The following CPSF4L variants were observed in gnomAD, a reference collection of about 807,000 sequenced individuals.
CPSF4L encodes cleavage and polyadenylation specific factor 4 like.
A neutral mutation model predicts 24.0 loss-of-function variants in CPSF4L; 18 were observed. That is an observed-to-expected ratio of 0.75 (90% CI 0.52 to 1.11). The LOEUF is 1.11. Among genes scored for constraint, CPSF4L ranks in the 50% least tolerant of loss-of-function variants. The pLI is 0.00. For missense variants in CPSF4L, 211 were observed against 221.8 expected, an observed-to-expected ratio of 0.95 and a Z score of 0.31; for synonymous variants, 72 against 77.2, an observed-to-expected ratio of 0.93 and a Z score of 0.35.
intron 3 of CPSF4L, among the ~76,000 whole-genome samples, chr17:73,255,697 C>A (rs1304930830): frequency 6.6e-6 from 1 of 152,160 alleles, no homozygotes; most frequent in Non-Finnish European, 1.5e-5. Flanking sequence ...GTATACAGCA[C>A]TGGGCAGAGT....
At chr17:73,250,944 A>G in intron 5 of CPSF4L, 1 of 1,476,486 alleles carries the variant, frequency 6.8e-7, no homozygotes, top group Non-Finnish European at 9.0e-7. Flanking sequence ...GCCAAGCACT[A>G]GCCCAGCCCT....
At chr17:73,247,500 A>G (rs2061968798), downstream of CPSF4L, 1 of 643,738 alleles carries the variant, frequency 1.6e-6, no homozygotes, top group Admixed American at 2.8e-5. Flanking sequence ...TATCACTGCT[A>G]TAAATAAAGT....
chr17:73,257,699 A>G lies in CPSF4L; in HGVS notation c.289T>C (p.Tyr97His). Reference sequence around the variant, plus strand: ...GCCTTACCAAACTTGGAGTAGAAGTAGCACTCAGGCATCCTGGTGAGGTCA... The same window carrying G: ...GCCTTACCAAACTTGGAGTAGAAGTGGCACTCAGGCATCCTGGTGAGGTCA... ...QYDLTRMPEC[Y>H]FYSKFGDCSN... is the part of the protein sequence containing the mutation. The change falls in exon 3 of 6, where the codon TAC becomes CAC. Residue 97 changes from tyrosine to histidine, a missense_variant. Coordinates refer to ENST00000344935, the MANE Select transcript of CPSF4L (RefSeq NM_001129885.1). 2 of 1,551,686 alleles carry G rather than the reference A, an allele frequency of 1.3e-6. No individual in the cohort carries two copies. The highest frequency in any genetic ancestry group is 1.7e-6 in the Non-Finnish European group (2 of 1,146,992).
rs1160461397 is a variant in CPSF4L, at chr17:73,252,721, G to A, written c.406C>T (p.Pro136Ser). 8 of 1,546,114 alleles carry A rather than the reference G, an allele frequency of 5.2e-6. No individual in the cohort carries two copies. The highest frequency in any genetic ancestry group is 7.0e-6 in the Non-Finnish European group (8 of 1,143,270). ...WYDQGFCKDG[P>S]LCKYRHVPRI... Reference sequence around the variant, plus strand: ...GGGACATGGCGGTATTTACACAGAGGACCTGCTGAGCAAAGAGAAAGTGAT... The same window carrying A: ...GGGACATGGCGGTATTTACACAGAGAACCTGCTGAGCAAAGAGAAAGTGAT... The change falls in exon 5 of 6, where the codon CCT becomes TCT. Residue 136 changes from proline (P) to serine (S), a missense_variant and splice_region_variant. Physicochemically the swap from Pro to Ser is moderately conservative, Grantham distance 74. Transcript: ENST00000344935.
At chr17:73,261,687 G>A in intron 1 of CPSF4L, 29 bp downstream of exon 1, 1 of 1,392,048 alleles carries the variant, frequency 7.2e-7, no homozygotes, top group Non-Finnish European at 1.0e-6. Context: ...AGAAGGTAGG[G>A]GAGGGAAAGT....
chr17:73,261,371 G>A (rs926281815), intron 1 of CPSF4L, among the ~76,000 whole-genome samples: 5 of 152,174 alleles, frequency 3.3e-5, no homozygotes, highest in Admixed American at 2.0e-4. Context: ...GAGAAGGAAG[G>A]GGGAGGGAGG....
intron 2 of CPSF4L, 134 bp downstream of exon 2, chr17:73,260,799 G>A (rs1299398036): frequency 1.3e-5 from 7 of 556,916 alleles, no homozygotes; most frequent in Admixed American, 3.2e-5. Flanking sequence ...ATAAAATTCC[G>A]TTCCATCCCA....
intron 3 of CPSF4L, among the ~76,000 whole-genome samples, chr17:73,255,714 T>A (rs1360318176): frequency 1.3e-5 from 2 of 152,152 alleles, no homozygotes; most frequent in Non-Finnish European, 2.9e-5. Context: ...GAGTGCTGAC[T>A]CTGGGCTTGA....
chr17:73,251,303 C>G (rs2062005126), intron 5 of CPSF4L, among the ~76,000 whole-genome samples: 1 of 152,136 alleles, frequency 6.6e-6, no homozygotes, highest in Non-Finnish European at 1.5e-5. Flanking sequence ...CTTGTAAATT[C>G]CCCGCAGTCC....
intron 3 of CPSF4L, among the ~76,000 whole-genome samples, chr17:73,255,497 ACT>A (rs1486983143): frequency 2.1e-5 from 3 of 142,098 alleles, no homozygotes; most frequent in African/African-American, 5.4e-5. Flanking sequence ...ACAGTGCGAG[ACT>A]CTGTCTCCAA....
chr17:73,248,560 C>G (rs935352136), intron 5 of CPSF4L, 24 bp from the exon 6 acceptor site: 2 of 1,551,050 alleles, frequency 1.3e-6, no homozygotes, highest in Admixed American at 2.0e-5. Flanking sequence ...ACAAATGCAG[C>G]GTGAGAATCC....
At chr17:73,260,009 G>C (rs906192462) in intron 2 of CPSF4L, among the ~76,000 whole-genome samples, 1 of 152,138 alleles carries the variant, frequency 6.6e-6, no homozygotes, top group Non-Finnish European at 1.5e-5. Flanking sequence ...TCTTATATTT[G>C]AATCAGGCCT....
chr17:73,257,578 T>C, intron 3 of CPSF4L, 103 bp downstream of exon 3: 1 of 1,225,192 alleles, frequency 8.2e-7, no homozygotes, highest in South Asian at 1.5e-5. Flanking sequence ...TCCAGGGACA[T>C]GTCCAGCCTC....
chr17:73,243,049 T>A, the CPSF4L span: 1 of 1,442,206 alleles, frequency 6.9e-7, no homozygotes, highest in Non-Finnish European at 9.6e-7. Flanking sequence ...TCCCATTCCG[T>A]TATGTGGACC....
At position 73,261,057 on chromosome 17, in the gene CPSF4L, T is replaced by C; in HGVS notation, c.104-74A>G. Reference sequence around the variant, plus strand: ...GCTGTTCCGGAAGCCTCCACCTCCATCGGCATGTCCCACCTAGACCTCCCC... The same window carrying C: ...GCTGTTCCGGAAGCCTCCACCTCCACCGGCATGTCCCACCTAGACCTCCCC... On this transcript the variant is annotated intron_variant, in intron 1 of 5. Transcript: ENST00000344935. The C allele has an allele frequency of 2.4e-6, 3 of 1,257,466 alleles. No individual in the cohort carries two copies. In the Admixed American group the frequency reaches 6.0e-5, roughly 25 times the overall value. 77.9% of individuals were successfully genotyped at this position (1,257,466 alleles called of 1,614,324 possible).
chr17:73,242,936 C>T, the CPSF4L span: 148 of 1,613,960 alleles, frequency 9.2e-5, no homozygotes, highest in South Asian at 9.2e-4. Flanking sequence ...AGAGTGGATT[C>T]GGTGGCATCA....
chr17:73,247,185 C>G, downstream of CPSF4L: 5 of 1,510,920 alleles, frequency 3.3e-6, no homozygotes, highest in South Asian at 5.6e-5. Flanking sequence ...CGAGTAGTTG[C>G]GACAGAAACC....
At chr17:73,250,129 T>G (rs912254366) in intron 5 of CPSF4L, 4 of 957,950 alleles carry the variant, frequency 4.2e-6, no homozygotes, top group East Asian at 3.0e-5. Context: ...CACAGGCTAC[T>G]TCTGCACCTC....
chr17:73,262,440 G>A (rs2062050906), upstream of CPSF4L: 1 of 152,382 alleles, frequency 6.6e-6, no homozygotes, highest in Non-Finnish European at 1.5e-5. Flanking sequence ...TGAAACAGTT[G>A]GATGAATGGC....
Sources: gnomAD v4.1 joint callset for allele counts (sites outside exome capture counted in the v4.1 genomes callset) on GRCh38, gnomAD v4.1.1 for gene constraint, MANE v1.5 for transcripts, NCBI Gene and HGNC (gene_info 2026-07-23, HGNC 2026-07-21) for gene names.